The following CACNA1A variants were observed in gnomAD, a reference collection of about 807,000 sequenced individuals.
CACNA1A encodes the protein voltage-dependent P/Q-type calcium channel subunit alpha-1A.
A neutral mutation model predicts 262.4 loss-of-function variants in CACNA1A; 57 were observed. The observed-to-expected ratio is 0.22, with a 90% CI of 0.18 to 0.27. The LOEUF (loss-of-function observed/expected upper bound fraction) is 0.27. CACNA1A is among the 10% of genes least tolerant of loss of function. The pLI is 1.00. For synonymous variants in CACNA1A, 1,431 were observed against 1,419.3 expected, an observed-to-expected ratio of 1.01 and a Z score of -0.18; for missense variants, 2,526 against 3,562.8, an observed-to-expected ratio of 0.71 and a Z score of 7.41.
rs988406999 is a variant in CACNA1A, at chr19:13,360,326, G to A, written c.785-527C>T. On this transcript the variant is annotated intron_variant, in intron 5 of 46. Transcript: ENST00000360228. ...GAGGAAGACAGGGAGAGAACGGGGG[G>A]AGAGAGAGAGCGAGAGAGAAGTATA... 5.6e-5 allele frequency among the ~76,000 whole-genome samples: 8 copies of A among 142,294 alleles called. No individual in the cohort carries two copies. In the South Asian group the frequency reaches 1.7e-3, roughly 31 times the overall value. 93.4% of individuals were successfully genotyped at this position (142,294 alleles called of 152,430 possible).
At chr19:13,483,105 GAAGT>G (rs760362611) in intron 1 of CACNA1A, among the ~76,000 whole-genome samples, 96 of 152,222 alleles carry the variant, frequency 6.3e-4, no homozygotes, top group Admixed American at 1.2e-3. Flanking sequence ...AATGCAGGCA[GAAGT>G]AAGGTTCACT....
At chr19:13,249,714 C>T (rs537274136) in intron 30 of CACNA1A, among the ~76,000 whole-genome samples, 7 of 152,162 alleles carry the variant, frequency 4.6e-5, no homozygotes, top group African/African-American at 9.6e-5. Flanking sequence ...TCTAGATGCA[C>T]GTTAGTCCAT....
chr19:13,412,649 G>C (rs28405007), intron 3 of CACNA1A, among the ~76,000 whole-genome samples: 1 of 150,894 alleles, frequency 6.6e-6, no homozygotes, highest in African/African-American at 2.4e-5. Context: ...GACTAATTTC[G>C]TATTTTCAGT....
chr19:13,315,053 A>G (rs892695010), intron 11 of CACNA1A, among the ~76,000 whole-genome samples: 13 of 152,194 alleles, frequency 8.5e-5, no homozygotes, highest in African/African-American at 3.1e-4. Flanking sequence ...GCATTGTTGC[A>G]TCTGGAAGAA....
At chr19:13,497,739 A>C (rs920091245) in intron 1 of CACNA1A, among the ~76,000 whole-genome samples, 1 of 150,178 alleles carries the variant, frequency 6.7e-6, no homozygotes, top group Non-Finnish European at 1.5e-5. Flanking sequence ...TGAGACTCTG[A>C]CTCAAAATAA....
chr19:13,251,411 G>A (rs1370854497), intron 30 of CACNA1A, among the ~76,000 whole-genome samples: 6 of 151,264 alleles, frequency 4.0e-5, no homozygotes, highest in Admixed American at 6.6e-5. Context: ...TGAACCCAGG[G>A]GGTGGAGCTT....
intron 1 of CACNA1A, among the ~76,000 whole-genome samples, chr19:13,463,016 C>T (rs2061152393): frequency 6.6e-6 from 1 of 152,098 alleles, no homozygotes; most frequent in Non-Finnish European, 1.5e-5. Flanking sequence ...TCACCTTGGC[C>T]TTTCAAAGTG....
In CACNA1A at chr19:13,349,027, A is replaced by AAAAAGAGAG. The variant is rs541410353; in HGVS notation, c.978+10578_978+10579insCTCTCTTTT. 2.6e-3 allele frequency among the ~76,000 whole-genome samples: 363 copies of AAAAAGAGAG among 137,726 alleles called. 9 individuals are homozygous for AAAAAGAGAG. The highest frequency in any genetic ancestry group is 0.01 in the African/African-American group (328 of 32,256). The allele number at this position is 137,726 out of a possible 152,430, so 90.4% of individuals were successfully genotyped here. ...TGTCTCAAAAAAAAAAAAAAAAAAA[A>AAAAAGAGAG]AGAGAGACAAAGAGAGAGAGGGAAA... On this transcript the variant is annotated intron_variant, in intron 6 of 46. Transcript: ENST00000360228.
intron 3 of CACNA1A, among the ~76,000 whole-genome samples, chr19:13,436,822 TGGAG>T: frequency 1.3e-5 from 2 of 152,342 alleles, no homozygotes; most frequent in Non-Finnish European, 2.9e-5. Context: ...GCTTCCTTCC[TGGAG>T]GAAGAGACAG....
At chr19:13,497,394 C>T (rs1981657084) in intron 1 of CACNA1A, among the ~76,000 whole-genome samples, 1 of 141,842 alleles carries the variant, frequency 7.1e-6, no homozygotes, top group Non-Finnish European at 1.5e-5. Context: ...CCCAAATGCC[C>T]ATCGTCCTGC....
intron 3 of CACNA1A, among the ~76,000 whole-genome samples, chr19:13,393,505 TTTCC>T (rs36015275): frequency 7.9e-6 from 1 of 126,862 alleles, no homozygotes; most frequent in Non-Finnish European, 1.7e-5. Flanking sequence ...CCTTCCTTCC[TTTCC>T]TTCCTTCCTT....
chr19:13,410,545 T>C (rs556643364), intron 3 of CACNA1A, among the ~76,000 whole-genome samples: 44 of 97,876 alleles, frequency 4.5e-4, no homozygotes, highest in African/African-American at 2.3e-3. Flanking sequence ...TTTTTCTTTT[T>C]TTTTTTTTTT....
rs1011937377 is a variant in CACNA1A at position 13,207,230 on chromosome 19, C to A, written c.*83G>T. On this transcript the variant is annotated 3_prime_UTR_variant, in exon 47 of 47. Transcript: ENST00000360228. This position sits in a 1 kb window ranked among gnomAD's most constrained non-coding sequence, Gnocchi z 5.7. ...CTCTCCCGGGCCCTCTGTGCTGGGCCCCCGCGGCCTCTGCGCGGCTCCTCG... is the reference window on the plus strand; with the variant it reads ...CTCTCCCGGGCCCTCTGTGCTGGGCACCCGCGGCCTCTGCGCGGCTCCTCG... The A allele has an allele frequency of 8.8e-6, 12 of 1,370,560 alleles. No individual in the cohort carries two copies. The highest frequency in any genetic ancestry group is 1.1e-5 in the Non-Finnish European group (12 of 1,054,672). The allele number at this position is 1,370,560 out of a possible 1,614,324, so 84.9% of individuals were successfully genotyped here. A position where few individuals can be genotyped will look rare whatever the true frequency, so the allele number is the denominator to read the frequency against.
intron 38 of CACNA1A, among the ~76,000 whole-genome samples, chr19:13,217,568 G>A (rs751657654): frequency 1.3e-5 from 2 of 152,162 alleles, no homozygotes; most frequent in Non-Finnish European, 2.9e-5. Context: ...ATGAGGCCTG[G>A]CACCCACTGA....
intron 1 of CACNA1A, among the ~76,000 whole-genome samples, chr19:13,498,585 T>A (rs890267334): frequency 6.6e-6 from 1 of 152,112 alleles, no homozygotes; most frequent in African/African-American, 2.4e-5. Context: ...GAACGGCAGA[T>A]AAAGCCGTGT....
chr19:13,227,903 C>CTT (rs34218031), intron 36 of CACNA1A, among the ~76,000 whole-genome samples: 3,460 of 74,212 alleles, frequency 0.047, 222 homozygotes, highest in African/African-American at 0.098. Context: ...TGTTCATTGC[C>CTT]TTTTTTTTTT....
chr19:13,484,783 T>C (rs1387075367), intron 1 of CACNA1A, among the ~76,000 whole-genome samples: 2 of 152,106 alleles, frequency 1.3e-5, no homozygotes, highest in African/African-American at 4.8e-5. Flanking sequence ...CCAAAACATC[T>C]TTTCCACCAT....
chr19:13,294,371 A>G (rs190842522), intron 19 of CACNA1A, among the ~76,000 whole-genome samples: 1 of 151,986 alleles, frequency 6.6e-6, no homozygotes, highest in African/African-American at 2.4e-5. Context: ...GGTATTTAGT[A>G]TACTGGCCTC....
intron 11 of CACNA1A, among the ~76,000 whole-genome samples, chr19:13,313,254 C>G (rs1187362917): frequency 6.6e-6 from 1 of 152,082 alleles, no homozygotes. Flanking sequence ...GTAATCCCAG[C>G]ACTTTGGGAG....
Sources: gnomAD v4.1 joint callset for allele counts (sites outside exome capture counted in the v4.1 genomes callset) on GRCh38, gnomAD v4.1.1 for gene constraint, Gnocchi (gnomAD v3.1) non-coding constraint, MANE v1.5 for transcripts, NCBI Gene and HGNC (gene_info 2026-07-23, HGNC 2026-07-21) for gene names.